EPB41L1: variants seen among roughly 807,000 people sequenced by gnomAD.
The protein encoded by EPB41L1 is band 4.1-like protein 1.
Under a neutral mutation model 97.8 loss-of-function variants are expected in EPB41L1, and 29 were observed. That is an observed-to-expected ratio of 0.30 (90% CI 0.22 to 0.40). The LOEUF (loss-of-function observed/expected upper bound fraction) is 0.40, where lower values mean the gene tolerates loss of function less well. Among genes scored for constraint, EPB41L1 ranks in the 10% least tolerant of loss-of-function variants. The pLI is 1.00. For missense variants in EPB41L1, 812 were observed against 1,162.3 expected (o/e 0.70, Z 4.38); for synonymous variants, 383 against 459.2 (o/e 0.83, Z 2.12).
rs969159662 is a variant in EPB41L1, at chr20:36,229,205, G to A, written c.2638-127G>A. 54 of 783,944 alleles carry A rather than the reference G, an allele frequency of 6.9e-5. No homozygotes were observed. In the African/African-American group the frequency reaches 8.9e-4, roughly 13 times the overall value. The allele number at this position is 783,944 out of a possible 1,614,324, so 48.6% of individuals were successfully genotyped here. ...CACAATAAAGGGCATATGGTAAAGGGTAGCAAAAACAACCTCTTGCCATGT... is the reference window on the plus strand; with the variant it reads ...CACAATAAAGGGCATATGGTAAAGGATAGCAAAAACAACCTCTTGCCATGT... On this transcript the variant is annotated intron_variant, in intron 21 of 21. Transcript: ENST00000338074.
chr20:36,181,447 G>C (rs1221417500), intron 5 of EPB41L1, among the ~76,000 whole-genome samples: 1 of 152,156 alleles, frequency 6.6e-6, no homozygotes, highest in Admixed American at 6.5e-5. Flanking sequence ...ACATCTAAGT[G>C]TGGAGGTTAG....
Position 36,206,801 on chromosome 20 carries a change from G to T in EPB41L1, c.1669-2687G>T. 2.3e-6 allele frequency: 3 copies of T among 1,289,852 alleles called. No individual in the cohort carries two copies. The highest frequency in any genetic ancestry group is 3.0e-6 in the Non-Finnish European group (3 of 988,878). The allele number at this position is 1,289,852 out of a possible 1,614,324, so 79.9% of individuals were successfully genotyped here. On this transcript the variant is annotated intron_variant, in intron 14 of 21. Coordinates refer to ENST00000338074, the MANE Select transcript of EPB41L1 (RefSeq NM_012156.2). The surrounding 1 kb of genome is among the most constrained non-coding windows in gnomAD (Gnocchi z 5.5). ...CCCCACCTGACAGCCAGCGCAGCCC[G>T]AGAGGAAGGGACCCCCGTGAGTGGA...
intron 21 of EPB41L1, among the ~76,000 whole-genome samples, chr20:36,227,620 TCTC>T (rs530812332): frequency 3.0e-4 from 46 of 152,230 alleles, no homozygotes; most frequent in Middle Eastern, 3.4e-3. Context: ...AGATCGTAAT[TCTC>T]CACCACCAGC....
At chr20:36,155,804 G>A (rs1192032845) in intron 1 of EPB41L1, 2 of 375,314 alleles carry the variant, frequency 5.3e-6, no homozygotes, top group South Asian at 3.9e-5. Flanking sequence ...TTCTGGATCC[G>A]CATAGCACCT....
At chr20:36,123,170 G>C (rs140604942) in intron 2 of EPB41L1, among the ~76,000 whole-genome samples, 1 of 151,946 alleles carries the variant, frequency 6.6e-6, no homozygotes, top group Non-Finnish European at 1.5e-5. Context: ...ACGTCTCCAT[G>C]ATCGGGGGGG....
At position 36,209,810 on chromosome 20, in the gene EPB41L1, G is replaced by C; in HGVS notation, c.1991G>C (p.Gly664Ala). The change falls in exon 15 of 22, where the codon GGG becomes GCG. Residue 664 changes from glycine (G) to alanine (A), a missense_variant. Around this residue, in one of 3 missense-constraint regions of EPB41L1, gnomAD observed 498 missense variants for 622.7 expected, o/e 0.80. Coordinates refer to ENST00000338074, the MANE Select transcript of EPB41L1 (RefSeq NM_012156.2). This position sits in a 1 kb window ranked among gnomAD's most constrained non-coding sequence, Gnocchi z 4.2. ...GLLFSRDLNKGAPSQDDESGG... is the reference protein window; with the variant it reads ...GLLFSRDLNKAAPSQDDESGG... The stretch of plus-strand genomic sequence containing the variant: ...CTGTTCTCCCGGGATCTCAACAAGG[G>C]GGCCCCCAGCCAGGATGATGAGTCT... 1 of 1,613,792 alleles carries C rather than the reference G, an allele frequency of 6.2e-7. No homozygotes were observed. Among genetic ancestry groups the C allele is most frequent in the Non-Finnish European group, 8.5e-7 (1 of 1,179,906 alleles).
In EPB41L1 at chr20:36,222,380, G is replaced by T; in HGVS notation, c.2623G>T (p.Asp875Tyr). Reference sequence around the variant, plus strand: ...AACAGACCCATCCCCAGAGGAGAGGGACAAGAAGCCACAGGTAAGGCTCCT... The same window carrying T: ...AACAGACCCATCCCCAGAGGAGAGGTACAAGAAGCCACAGGTAAGGCTCCT... ...RETDPSPEER[D>Y]KKPQES The change falls in exon 21 of 22, where the codon GAC becomes TAC. Residue 875 changes from aspartate (D) to tyrosine (Y), a missense_variant. This residue lies in a region of EPB41L1 where 498 missense variants were observed against 622.7 expected (regional missense o/e 0.80). Transcript: ENST00000338074. The T allele has an allele frequency of 6.2e-7, 1 of 1,613,900 alleles. No homozygotes were observed. Among genetic ancestry groups the T allele is most frequent in the South Asian group, 1.1e-5 (1 of 91,068 alleles).
At position 36,092,445 on chromosome 20, in the gene EPB41L1, C is replaced by A. The variant is rs1040336036; in HGVS notation, c.-65+833C>A. 1.1e-4 allele frequency among the ~76,000 whole-genome samples: 17 copies of A among 152,020 alleles called. No individual in the cohort carries two copies. Among genetic ancestry groups the A allele is most frequent in the African/African-American group, 4.1e-4 (17 of 41,420 alleles). ...GAGGGTTCGCGGGGCTCAGCCCCTT[C>A]CTCTGCTCCCCTCCCCGGGACCGGC... On this transcript the variant is annotated intron_variant, in intron 1 of 19. Coordinates refer to the EPB41L1 transcript ENST00000202028. The surrounding 1 kb of genome is among the most constrained non-coding windows in gnomAD (Gnocchi z 7.0).
upstream of EPB41L1, chr20:36,153,147 CG>C (rs1446215425): frequency 2.2e-6 from 1 of 455,304 alleles, no homozygotes; most frequent in East Asian, 7.0e-5. Context: ...TACAAAGGGA[CG>C]CAATTGTATC....
At chr20:36,221,372 A>G (rs1292083951) in intron 19 of EPB41L1, among the ~76,000 whole-genome samples, 4 of 152,228 alleles carry the variant, frequency 2.6e-5, no homozygotes, top group Non-Finnish European at 2.9e-5. Context: ...TGTTCATTCA[A>G]CAAATCTGCA....
intron 2 of EPB41L1, among the ~76,000 whole-genome samples, chr20:36,124,211 C>T (rs1384223578): frequency 2.0e-5 from 3 of 152,070 alleles, no homozygotes; most frequent in Non-Finnish European, 4.4e-5. Flanking sequence ...GCCGAGATCG[C>T]GCCACTGCAC....
chr20:36,182,248 G>C, intron 5 of EPB41L1, 24 bp from the exon 6 acceptor site: 1 of 1,612,244 alleles, frequency 6.2e-7, no homozygotes, highest in Non-Finnish European at 8.5e-7. Context: ...GGGCCTCGCT[G>C]ATCTCTCTCC....
At chr20:36,201,325 C>T (rs1372876131) in intron 14 of EPB41L1, among the ~76,000 whole-genome samples, 1 of 152,052 alleles carries the variant, frequency 6.6e-6, no homozygotes, top group Non-Finnish European at 1.5e-5. Context: ...AGAGGCAGGC[C>T]CTGACTTCTA....
At chr20:36,157,342 G>T (rs1349706369) in intron 1 of EPB41L1, among the ~76,000 whole-genome samples, 2 of 152,246 alleles carry the variant, frequency 1.3e-5, no homozygotes, top group Non-Finnish European at 2.9e-5. Context: ...TGCAAGAAGT[G>T]CTTTGAGTCA....
At chr20:36,156,868 G>A (rs1037111985) in intron 1 of EPB41L1, among the ~76,000 whole-genome samples, 1 of 152,172 alleles carries the variant, frequency 6.6e-6, no homozygotes, top group South Asian at 2.1e-4. Flanking sequence ...GGTGGGAGGT[G>A]CTTGTTAGCA....
intron 2 of EPB41L1, chr20:36,121,570 T>C (rs1054552325): frequency 1.3e-5 from 2 of 152,358 alleles, no homozygotes; most frequent in East Asian, 3.9e-4. Context: ...TTGTGGGGCA[T>C]TTGCCTGGCC....
In EPB41L1 at chr20:36,212,840, A is replaced by G. The variant is rs998429758; in HGVS notation, c.2184+464A>G. Among the ~76,000 whole-genome samples, 1 of 152,218 alleles carries G rather than the reference A, an allele frequency of 6.6e-6. No homozygotes were observed. The highest frequency in any genetic ancestry group is 2.4e-5 in the African/African-American group (1 of 41,456). On this transcript the variant is annotated intron_variant, in intron 16 of 21. Transcript: ENST00000338074. This position sits in a 1 kb window ranked among gnomAD's most constrained non-coding sequence, Gnocchi z 4.8. ...CATTTTTTATGCATTAGAGTTCCAC[A>G]TCAGATCAGTAAAATGAACAAAGTG...
At chr20:36,205,009 A>T (rs2062720632) in intron 14 of EPB41L1, among the ~76,000 whole-genome samples, 1 of 152,116 alleles carries the variant, frequency 6.6e-6, no homozygotes, top group South Asian at 2.1e-4. Flanking sequence ...CATTCTATTG[A>T]GTTCTTTTCT....
At chr20:36,178,529 C>A in intron 4 of EPB41L1, 101 bp from the exon 5 acceptor site, 1 of 1,218,354 alleles carries the variant, frequency 8.2e-7, no homozygotes, top group Non-Finnish European at 1.2e-6. Context: ...GCGTTCCCTA[C>A]AAGGGGCTGC....
Sources: gnomAD v4.1 joint callset for allele counts (sites outside exome capture counted in the v4.1 genomes callset) on GRCh38, gnomAD v4.1.1 for gene constraint, gnomAD v4.1.1 regional missense constraint, Gnocchi (gnomAD v3.1) non-coding constraint, MANE v1.5 for transcripts, NCBI Gene and HGNC (gene_info 2026-07-23, HGNC 2026-07-21) for gene names.